STK3: variants seen among roughly 807,000 people sequenced by gnomAD.
The protein encoded by STK3 is serine/threonine-protein kinase 3.
STK3 carries 41 observed loss-of-function variants against 58.0 expected under a neutral mutation model. The ratio of observed to expected loss-of-function variants is 0.71; its 90% CI spans 0.55 to 0.92. The LOEUF (loss-of-function observed/expected upper bound fraction) is 0.92, where lower values mean the gene tolerates loss of function less well. STK3 is among the 40% of genes least tolerant of loss of function. The probability of loss-of-function intolerance (pLI) is 0.00; values close to 1 mark genes in which losing one functional copy is unlikely to be tolerated. For synonymous variants in STK3, 170 were observed against 191.0 expected (o/e 0.89, Z 0.91); for missense variants, 479 against 602.7 (o/e 0.79, Z 2.15).
At chr8:98,395,976 T>G (rs1187078996) in intron 3 of STK3, among the ~76,000 whole-genome samples, 1 of 152,228 alleles carries the variant, frequency 6.6e-6, no homozygotes, top group Non-Finnish European at 1.5e-5. Flanking sequence ...CCACTGAATT[T>G]TTTTGTACCA....
At position 98,821,085 on chromosome 8, in the gene STK3, C is replaced by T. The variant is rs984645981; in HGVS notation, c.26+4430G>A. Among the ~76,000 whole-genome samples the T allele has an allele frequency of 4.6e-5, 7 of 152,142 alleles. No homozygotes were observed. In the South Asian group the frequency reaches 6.2e-4, roughly 13 times the overall value. On this transcript the variant is annotated intron_variant, in intron 1 of 10. Transcript: ENST00000419617. ...TCCCCAACTCCTTTACAGCACAATA[C>T]AGTGGACCAGTACTGGTCCATGGCC...
intron 6 of STK3, among the ~76,000 whole-genome samples, chr8:98,684,167 A>G (rs1018806251): frequency 6.6e-6 from 1 of 152,190 alleles, no homozygotes; most frequent in Admixed American, 6.5e-5. Flanking sequence ...TCATTAGAAA[A>G]GATAAAATGT....
chr8:98,535,551 T>C (rs895557931), intron 9 of STK3, among the ~76,000 whole-genome samples: 1 of 151,926 alleles, frequency 6.6e-6, no homozygotes, highest in African/African-American at 2.4e-5. Context: ...AAACTCTTCA[T>C]CCCAGAATCT....
intron 3 of STK3, among the ~76,000 whole-genome samples, chr8:98,833,743 T>C (rs974338456): frequency 5.3e-5 from 8 of 152,164 alleles, no homozygotes; most frequent in African/African-American, 1.9e-4. Context: ...TAACCTGAAC[T>C]AGTTTTTCAG....
intron 1 of STK3, among the ~76,000 whole-genome samples, chr8:98,804,811 T>G (rs1833802628): frequency 6.6e-6 from 1 of 152,158 alleles, no homozygotes; most frequent in Non-Finnish European, 1.5e-5. Context: ...TAATAGTTGG[T>G]CTAGGTCAAT....
chr8:98,575,793 AC>A (rs1813349941), intron 8 of STK3, among the ~76,000 whole-genome samples: 1 of 151,836 alleles, frequency 6.6e-6, no homozygotes, highest in Non-Finnish European at 1.5e-5. Flanking sequence ...TGGATACTAG[AC>A]CCTTATCAGA....
chr8:98,534,068 T>C (rs968592712), intron 9 of STK3, among the ~76,000 whole-genome samples: 1 of 152,228 alleles, frequency 6.6e-6, no homozygotes, highest in African/African-American at 2.4e-5. Flanking sequence ...ACTACAATTA[T>C]TATTAGGCTG....
At chr8:98,348,212 A>C in the STK3 span, among the ~76,000 whole-genome samples, 1 of 152,256 alleles carries the variant, frequency 6.6e-6, no homozygotes, top group South Asian at 2.1e-4. Flanking sequence ...CATATATAAA[A>C]AGATGGAACT....
At chr8:98,588,194 C>T (rs931411407) in intron 7 of STK3, among the ~76,000 whole-genome samples, 11 of 151,900 alleles carry the variant, frequency 7.2e-5, no homozygotes, top group East Asian at 1.9e-4. Context: ...TTCCTAGTCT[C>T]GATGGTCTTT....
intron 6 of STK3, among the ~76,000 whole-genome samples, chr8:98,630,747 T>G (rs12548387): frequency 4.2e-3 from 440 of 105,362 alleles, no homozygotes; most frequent in Middle Eastern, 0.011. Context: ...AGAAGAAGGA[T>G]AAGGAGAAGG....
chr8:98,409,495 C>T (rs2131038240), intron 3 of STK3, among the ~76,000 whole-genome samples: 1 of 152,354 alleles, frequency 6.6e-6, no homozygotes, highest in South Asian at 2.1e-4. Context: ...GTCTGGCCAG[C>T]AAAGGCCTTG....
At chr8:98,601,172 C>G (rs1816316740) in intron 6 of STK3, among the ~76,000 whole-genome samples, 1 of 151,964 alleles carries the variant, frequency 6.6e-6, no homozygotes, top group South Asian at 2.1e-4. Context: ...GAGATCCTGA[C>G]TCTATTTAAA....
chr8:98,734,533 AAT>A (rs1182722429), intron 4 of STK3, among the ~76,000 whole-genome samples: 2 of 152,216 alleles, frequency 1.3e-5, no homozygotes, highest in Non-Finnish European at 2.9e-5. Context: ...AAACATCCAA[AAT>A]ATAGACTCTA....
intron 3 of STK3, among the ~76,000 whole-genome samples, chr8:98,421,087 G>A (rs148592043): frequency 2.6e-4 from 39 of 152,268 alleles, no homozygotes; most frequent in African/African-American, 8.4e-4. Context: ...GGTAGTTGAG[G>A]CTCCTCCACT....
At chr8:98,645,479 C>T (rs1204775347) in intron 6 of STK3, among the ~76,000 whole-genome samples, 25 of 152,122 alleles carry the variant, frequency 1.6e-4, no homozygotes, top group Admixed American at 1.6e-3. Context: ...GGCTAAACGG[C>T]ACATTTTATA....
intron 3 of STK3, among the ~76,000 whole-genome samples, chr8:98,407,108 A>G (rs907460558): frequency 6.6e-6 from 1 of 152,236 alleles, no homozygotes; most frequent in Non-Finnish European, 1.5e-5. Flanking sequence ...GATAAATAAG[A>G]GATGTTTATC....
At chr8:98,788,856 A>C (rs913121246) in intron 1 of STK3, among the ~76,000 whole-genome samples, 5 of 152,232 alleles carry the variant, frequency 3.3e-5, no homozygotes, top group African/African-American at 1.2e-4. Flanking sequence ...CAGGTCATCA[A>C]CACAGAAAGT....
At chr8:98,548,597 T>TA (rs1810909971) in intron 8 of STK3, among the ~76,000 whole-genome samples, 1 of 152,128 alleles carries the variant, frequency 6.6e-6, no homozygotes, top group Non-Finnish European at 1.5e-5. Flanking sequence ...TATGGCAAAA[T>TA]ATACAAATAC....
intron 1 of STK3, among the ~76,000 whole-genome samples, chr8:98,896,288 A>C (rs1196067745): frequency 6.6e-6 from 1 of 152,230 alleles, no homozygotes; most frequent in Non-Finnish European, 1.5e-5. Flanking sequence ...TCCATTGCTT[A>C]AAGCAGTGAT....
Sources: gnomAD v4.1 joint callset for allele counts (sites outside exome capture counted in the v4.1 genomes callset) on GRCh38, gnomAD v4.1.1 for gene constraint, MANE v1.5 for transcripts, NCBI Gene and HGNC (gene_info 2026-07-23, HGNC 2026-07-21) for gene names.